ZNRF2: variants seen among roughly 807,000 people sequenced by gnomAD.
ZNRF2 encodes E3 ubiquitin-protein ligase ZNRF2.
Under a neutral mutation model 20.4 loss-of-function variants are expected in ZNRF2, and 16 were observed. The ratio of observed to expected loss-of-function variants is 0.79; its 90% confidence interval spans 0.53 to 1.19. The LOEUF is 1.19. Ranked by LOEUF, ZNRF2 falls within the 50% of genes most tolerant of loss-of-function variation. ZNRF2 has a pLI of 0.00. For missense variants in ZNRF2, 363 were observed against 332.4 expected, an observed-to-expected ratio of 1.09 and a Z score of -0.72; for synonymous variants, 178 against 144.9, an observed-to-expected ratio of 1.23 and a Z score of -1.64.
At chr7:30,365,854 A>G (rs1800205327) in intron 4 of ZNRF2, among the ~76,000 whole-genome samples, 181 bp from the exon 5 acceptor site, 1 of 152,080 alleles carries the variant, frequency 6.6e-6, no homozygotes. Flanking sequence ...TGTAGTCCTT[A>G]TTGTGAAAGG....
chr7:30,300,551 T>A (rs1583569455), intron 1 of ZNRF2, among the ~76,000 whole-genome samples: 1 of 152,368 alleles, frequency 6.6e-6, no homozygotes, highest in East Asian at 1.9e-4. Flanking sequence ...TCCTGTTTTA[T>A]CTATTCTTTA....
chr7:30,317,940 C>T (rs942970039), intron 1 of ZNRF2, among the ~76,000 whole-genome samples: 4 of 152,218 alleles, frequency 2.6e-5, no homozygotes, highest in African/African-American at 9.6e-5. Flanking sequence ...GAACCCATTC[C>T]TCTGTCACTG....
chr7:30,329,809 T>C (rs931359063), intron 2 of ZNRF2, among the ~76,000 whole-genome samples: 48 of 152,200 alleles, frequency 3.2e-4, no homozygotes, highest in African/African-American at 1.1e-3. Flanking sequence ...TCATTTCTTT[T>C]GGATATATAT....
intron 2 of ZNRF2, among the ~76,000 whole-genome samples, chr7:30,327,273 A>G (rs1367397896): frequency 1.3e-5 from 2 of 152,158 alleles, no homozygotes; most frequent in Non-Finnish European, 2.9e-5. Context: ...TGGATTTTAC[A>G]TTTAAGTCTT....
In ZNRF2 at chr7:30,285,779, T is replaced by C; in HGVS notation, c.422T>C (p.Leu141Pro). The part of the protein sequence containing the change: ...PVGGSPGGPR[L>P]VIGSLPAHLS... ...GGCGGGAGCCCCGGCGGGCCGCGCC[T>C]GGTGATCGGCTCCTTACCAGCTCAC... The change falls in exon 1 of 5, where the codon CTG becomes CCG. Residue 141 changes from leucine (L) to proline (P), a missense_variant. Physicochemically the swap from Leu to Pro is moderately conservative, Grantham distance 98. Coordinates refer to ENST00000323037, the MANE Select transcript of ZNRF2 (RefSeq NM_147128.4). 1.3e-6 allele frequency: 2 copies of C among 1,505,096 alleles called. No individual in the cohort carries two copies. The highest frequency in any genetic ancestry group is 1.8e-6 in the Non-Finnish European group (2 of 1,135,394). The allele number at this position is 1,505,096 out of a possible 1,614,324, so 93.2% of individuals were successfully genotyped here. A position where few individuals can be genotyped will look rare whatever the true frequency, so the allele number is the denominator to read the frequency against.
intron 1 of ZNRF2, among the ~76,000 whole-genome samples, chr7:30,315,978 A>G (rs1422871115): frequency 1.3e-5 from 2 of 152,118 alleles, no homozygotes; most frequent in Non-Finnish European, 2.9e-5. Flanking sequence ...AAGAGAATAT[A>G]TGAAAAAAAT....
intron 1 of ZNRF2, among the ~76,000 whole-genome samples, chr7:30,296,360 C>T (rs13307652): frequency 4.6e-5 from 7 of 152,184 alleles, no homozygotes; most frequent in Non-Finnish European, 8.8e-5. Context: ...TCAATGTGAG[C>T]GTGTTTTGTG....
chr7:30,358,814 T>C (rs1299521375), intron 3 of ZNRF2, among the ~76,000 whole-genome samples: 1 of 152,202 alleles, frequency 6.6e-6, no homozygotes, highest in Non-Finnish European at 1.5e-5. Context: ...AGCATTTGAA[T>C]CCCAGCTCCT....
chr7:30,300,754 A>T (rs1202131135), intron 1 of ZNRF2, among the ~76,000 whole-genome samples: 1 of 152,238 alleles, frequency 6.6e-6, no homozygotes, highest in Non-Finnish European at 1.5e-5. Context: ...TCCAAGGAAT[A>T]CAGAGAAATG....
At chr7:30,318,988 T>C (rs997378663) in intron 1 of ZNRF2, among the ~76,000 whole-genome samples, 2 of 151,976 alleles carry the variant, frequency 1.3e-5, no homozygotes, top group African/African-American at 4.8e-5. Context: ...GGTGCGTGCC[T>C]GTAATCCCAG....
intron 1 of ZNRF2, among the ~76,000 whole-genome samples, chr7:30,304,339 A>C (rs538383981): frequency 2.0e-4 from 31 of 152,366 alleles, no homozygotes; most frequent in Middle Eastern, 6.8e-3. Flanking sequence ...TATTACATTT[A>C]ATGGATTTTG....
intron 1 of ZNRF2, among the ~76,000 whole-genome samples, chr7:30,298,730 G>C (rs948339038): frequency 6.6e-6 from 1 of 152,122 alleles, no homozygotes; most frequent in Non-Finnish European, 1.5e-5. Flanking sequence ...GCCAGGGTTG[G>C]GGTTGCTTAG....
chr7:30,317,441 G>A (rs1413963008), intron 1 of ZNRF2, among the ~76,000 whole-genome samples: 2 of 152,232 alleles, frequency 1.3e-5, no homozygotes, highest in African/African-American at 4.8e-5. Context: ...GGTGAGACTT[G>A]ATCTGGGCTT....
intron 2 of ZNRF2, among the ~76,000 whole-genome samples, chr7:30,332,985 A>G (rs749977810): frequency 2.7e-4 from 41 of 151,698 alleles, no homozygotes; most frequent in Middle Eastern, 3.4e-3. Flanking sequence ...GAACTAATTT[A>G]CATTCCCACC....
chr7:30,293,105 ACC>A lies in ZNRF2; in HGVS notation c.469+7280_469+7281del, dbSNP rs1361860029. Among the ~76,000 whole-genome samples, 1,008 of 152,184 alleles carry A rather than the reference ACC, an allele frequency of 6.6e-3. 15 individuals carry two copies. Among genetic ancestry groups the A allele is most frequent in the African/African-American group, 0.023 (969 of 41,486 alleles). ...TATCCCGTGTTTTGAAGATAGAGCCACCTGGATTAGATGTGGAGGTATGAGAG... is the reference window on the plus strand; with the variant it reads ...TATCCCGTGTTTTGAAGATAGAGCCATGGATTAGATGTGGAGGTATGAGAG... On this transcript the variant is annotated intron_variant, in intron 1 of 4. Transcript: ENST00000323037.
At chr7:30,312,586 AAT>A (rs1476231824) in intron 1 of ZNRF2, among the ~76,000 whole-genome samples, 3 of 152,202 alleles carry the variant, frequency 2.0e-5, no homozygotes, top group Admixed American at 2.0e-4. Context: ...TCACCCAATA[AAT>A]ATATATGTCA....
At chr7:30,302,046 A>G (rs1037870590) in intron 1 of ZNRF2, among the ~76,000 whole-genome samples, 3 of 152,242 alleles carry the variant, frequency 2.0e-5, no homozygotes, top group Non-Finnish European at 4.4e-5. Flanking sequence ...TGATACGCTT[A>G]CTTCACAGAA....
chr7:30,365,044 C>T (rs1424086571), intron 4 of ZNRF2, among the ~76,000 whole-genome samples: 2 of 151,810 alleles, frequency 1.3e-5, no homozygotes, highest in Admixed American at 1.3e-4. Flanking sequence ...ATCACCTAAT[C>T]ATGTCCCAAA....
intron 4 of ZNRF2, among the ~76,000 whole-genome samples, chr7:30,363,720 G>T (rs937660663): frequency 8.0e-5 from 12 of 150,684 alleles, no homozygotes; most frequent in Admixed American, 4.6e-4. Context: ...AATGTTTAGT[G>T]AATTGAATGC....
Sources: allele counts gnomAD v4.1 joint callset (sites outside exome capture counted in the v4.1 genomes callset), GRCh38; gene constraint gnomAD v4.1.1; transcripts MANE v1.5; gene names NCBI Gene and HGNC (gene_info 2026-07-23, HGNC 2026-07-21).